The following SCG5 variants were observed in gnomAD, a reference collection of about 807,000 sequenced individuals.
The protein encoded by SCG5 is secretogranin V.
Under a neutral mutation model 25.7 loss-of-function variants are expected in SCG5, and 18 were observed. The observed-to-expected ratio is 0.70, with a 90% CI of 0.48 to 1.04. The LOEUF (loss-of-function observed/expected upper bound fraction) is 1.04. Ranked by LOEUF, SCG5 falls within the 50% of genes least tolerant of loss-of-function variation. The probability of loss-of-function intolerance (pLI) is 0.00; values close to 1 mark genes in which losing one functional copy is unlikely to be tolerated. For synonymous variants in SCG5, 101 were observed against 91.7 expected, an observed-to-expected ratio of 1.10 and a Z score of -0.58; for missense variants, 206 against 259.8, an observed-to-expected ratio of 0.79 and a Z score of 1.42.
chr15:32,695,933 A>G (rs2054949961), intron 5 of SCG5, among the ~76,000 whole-genome samples: 1 of 152,158 alleles, frequency 6.6e-6, no homozygotes, highest in South Asian at 2.1e-4. Context: ...AAAAGACCAC[A>G]TTGTATCTGA....
chr15:32,663,766 G>C (rs1183687108), intron 2 of SCG5, among the ~76,000 whole-genome samples: 2 of 152,092 alleles, frequency 1.3e-5, no homozygotes, highest in African/African-American at 4.8e-5. Context: ...TTGAACAGAG[G>C]CATGAGAAGA....
At chr15:32,648,034 A>G (rs931728400) in intron 2 of SCG5, among the ~76,000 whole-genome samples, 1 of 152,066 alleles carries the variant, frequency 6.6e-6, no homozygotes, top group African/African-American at 2.4e-5. Context: ...TTGCATATCC[A>G]TAGGCTTACA....
rs138239470 is a variant in SCG5, at chr15:32,670,397, A to G, written c.227-9369A>G. ...CAGCCCTCTGCCCTGAGGCAAGTCA[A>G]TGAATTAGCCAATTCAGCACAGATA... On this transcript the variant is annotated intron_variant, in intron 2 of 5. Transcript: ENST00000300175. 1.4e-3 allele frequency among the ~76,000 whole-genome samples: 218 copies of G among 152,350 alleles called. 1 individual carries two copies. Among genetic ancestry groups the G allele is most frequent in the Non-Finnish European group, 1.8e-3 (120 of 68,032 alleles).
intron 2 of SCG5, among the ~76,000 whole-genome samples, chr15:32,670,121 G>T (rs1214498075): frequency 3.3e-5 from 5 of 152,192 alleles, no homozygotes; most frequent in Non-Finnish European, 7.4e-5. Context: ...GAGTTTTTTA[G>T]ATCCTAGTAT....
At chr15:32,654,888 C>G (rs574572784) in intron 2 of SCG5, among the ~76,000 whole-genome samples, 3 of 152,308 alleles carry the variant, frequency 2.0e-5, no homozygotes, top group Non-Finnish European at 4.4e-5. Flanking sequence ...TTATTCCAGT[C>G]AAGATTATCC....
rs138022984 is a variant in SCG5 at position 32,670,929 on chromosome 15, G to A, written c.227-8837G>A. Among the ~76,000 whole-genome samples, 172 of 152,198 alleles carry A rather than the reference G, an allele frequency of 1.1e-3. 3 individuals carry two copies. The East Asian group carries it at 0.025, about 22-fold the overall frequency. ...AAAAATATGCAGGATCATTAATTTC[G>A]GCTCTGTTAATTGTGCTGTTAGGAA... On this transcript the variant is annotated intron_variant, in intron 2 of 5. Transcript: ENST00000300175.
intron 3 of SCG5, among the ~76,000 whole-genome samples, chr15:32,682,926 A>G (rs2054645871): frequency 6.6e-6 from 1 of 152,186 alleles, no homozygotes; most frequent in Admixed American, 6.5e-5. Context: ...AAGCCCGGAG[A>G]CACCTTCGGT....
chr15:32,684,783 T>C (rs1235912484), intron 4 of SCG5, 114 bp downstream of exon 4: 1 of 677,754 alleles, frequency 1.5e-6, no homozygotes, highest in Non-Finnish European at 2.6e-6. Flanking sequence ...TAGAAGCTAA[T>C]TTTTCAGAAA....
chr15:32,680,194 CTTTTTTTT>C (rs10549438), intron 3 of SCG5, among the ~76,000 whole-genome samples: 7 of 114,558 alleles, frequency 6.1e-5, no homozygotes, highest in Admixed American at 5.4e-4. Flanking sequence ...ACTTGCTACT[CTTTTTTTT>C]TTTTTTTTTT....
intron 2 of SCG5, among the ~76,000 whole-genome samples, chr15:32,671,413 G>A (rs980899710): frequency 2.6e-5 from 4 of 152,124 alleles, no homozygotes; most frequent in African/African-American, 9.7e-5. Context: ...CAGAAACTGG[G>A]AGTCAGACAT....
chr15:32,642,399 C>A (rs975696022), intron 1 of SCG5, among the ~76,000 whole-genome samples: 1 of 151,590 alleles, frequency 6.6e-6, no homozygotes, highest in African/African-American at 2.4e-5. Context: ...GAAACCCTGC[C>A]TCTATTAAAA....
At chr15:32,653,930 C>T (rs2054073373) in intron 2 of SCG5, among the ~76,000 whole-genome samples, 3 of 152,166 alleles carry the variant, frequency 2.0e-5, no homozygotes, top group Non-Finnish European at 2.9e-5. Context: ...CATCAAGCCT[C>T]CATTTCCTAA....
intron 2 of SCG5, among the ~76,000 whole-genome samples, chr15:32,654,295 G>A (rs761417826): frequency 4.5e-4 from 68 of 152,338 alleles, no homozygotes; most frequent in Non-Finnish European, 4.6e-4. Flanking sequence ...ACTGCTTCCT[G>A]ATTCATAGGT....
intron 2 of SCG5, among the ~76,000 whole-genome samples, chr15:32,657,220 T>TATATATATATATATATATA (rs71113464): frequency 8.8e-4 from 94 of 106,518 alleles, no homozygotes; most frequent in Middle Eastern, 5.1e-3. Flanking sequence ...TATGTATGTA[T>TATATATATATATATATATA]TTCCAGGTGT....
chr15:32,695,975 A>G (rs1437224562), intron 5 of SCG5, among the ~76,000 whole-genome samples: 1 of 152,208 alleles, frequency 6.6e-6, no homozygotes, highest in Non-Finnish European at 1.5e-5. Flanking sequence ...GAAAAACACA[A>G]TTAGAGACAT....
At chr15:32,661,390 C>T (rs1292631543) in intron 2 of SCG5, among the ~76,000 whole-genome samples, 12 of 152,136 alleles carry the variant, frequency 7.9e-5, no homozygotes, top group Non-Finnish European at 1.5e-4. Flanking sequence ...GAGGCCGAGG[C>T]GGGCGGATCA....
Position 32,657,209 on chromosome 15 carries a change from A to ATATATATATATATATATATGTATGTATG in SCG5, c.226+13394_226+13395insATATATATATATATATGTATGTATGTAT. On this transcript the variant is annotated intron_variant, in intron 2 of 5. Coordinates refer to ENST00000300175, the MANE Select transcript of SCG5 (RefSeq NM_001144757.3). ...TTCTTTCATCCTCCTGTATATATAT[A>ATATATATATATATATATATGTATGTATG]TATGTATGTATTTCCAGGTGTAAGT... 2.1e-4 allele frequency among the ~76,000 whole-genome samples: 8 copies of ATATATATATATATATATATGTATGTATG among 38,740 alleles called. 1 individual carries two copies. Among genetic ancestry groups the ATATATATATATATATATATGTATGTATG allele is most frequent in the African/African-American group, 4.6e-4 (8 of 17,330 alleles). 25.4% of individuals were successfully genotyped at this position (38,740 alleles called of 152,430 possible). A position where few individuals can be genotyped will look rare whatever the true frequency, so the allele number is the denominator to read the frequency against.
In SCG5 at chr15:32,664,739, A is replaced by T. The variant is rs1036409220; in HGVS notation, c.227-15027A>T. Among the ~76,000 whole-genome samples the T allele has an allele frequency of 2.0e-5, 3 of 152,206 alleles. No homozygotes were observed. In the South Asian group the frequency reaches 6.2e-4, roughly 31 times the overall value. ...GCTAGGTTCTTCTGTTTGTATAAAT[A>T]GCATGTGTCCTGCTAAGTCACCTCC... On this transcript the variant is annotated intron_variant, in intron 2 of 5. Transcript: ENST00000300175.
intron 1 of SCG5, among the ~76,000 whole-genome samples, chr15:32,643,173 A>C (rs955796417): frequency 6.6e-6 from 1 of 152,198 alleles, no homozygotes; most frequent in African/African-American, 2.4e-5. Context: ...TTATTCCCAG[A>C]GACTGGGAAA....
Sources: gnomAD v4.1 joint callset for allele counts (sites outside exome capture counted in the v4.1 genomes callset) on GRCh38, gnomAD v4.1.1 for gene constraint, MANE v1.5 for transcripts, NCBI Gene and HGNC (gene_info 2026-07-23, HGNC 2026-07-21) for gene names.